Variants in ADAM10 observed in about 807,000 individuals in gnomAD.
ADAM10 encodes the protein disintegrin and metalloproteinase domain-containing protein 10.
ADAM10 carries 17 observed loss-of-function variants against 90.1 expected under a neutral mutation model. The ratio of observed to expected loss-of-function variants is 0.19; its 90% confidence interval spans 0.13 to 0.28. The LOEUF is 0.28. ADAM10 is among the 10% of genes least tolerant of loss of function. ADAM10 has a pLI of 1.00. For synonymous variants in ADAM10, 310 were observed against 298.6 expected (o/e 1.04, Z -0.40); for missense variants, 610 against 914.3 (o/e 0.67, Z 4.29).
At chr15:58,739,436 G>A (rs1899532576) in intron 1 of ADAM10, among the ~76,000 whole-genome samples, 1 of 151,928 alleles carries the variant, frequency 6.6e-6, no homozygotes, top group East Asian at 1.9e-4. Flanking sequence ...AGAACGGCAT[G>A]AACCTGGGAG....
intron 1 of ADAM10, among the ~76,000 whole-genome samples, chr15:58,736,895 A>G (rs1899448731): frequency 6.6e-6 from 1 of 152,064 alleles, no homozygotes; most frequent in Admixed American, 6.6e-5. Flanking sequence ...TAGGAGGATC[A>G]CTTTAGCTCG....
intron 11 of ADAM10, among the ~76,000 whole-genome samples, chr15:58,617,370 AT>A (rs576783377): frequency 1.4e-3 from 216 of 152,264 alleles, no homozygotes; most frequent in African/African-American, 5.1e-3. Context: ...ACTTACCAAG[AT>A]TGAAATAAGA....
chr15:58,639,696 A>G (rs1225336794), intron 8 of ADAM10, among the ~76,000 whole-genome samples: 1 of 152,214 alleles, frequency 6.6e-6, no homozygotes, highest in Non-Finnish European at 1.5e-5. Context: ...ATTTTAAAAC[A>G]TAGAAGAAAA....
chr15:58,706,267 T>A (rs1898284905), intron 2 of ADAM10, among the ~76,000 whole-genome samples: 1 of 152,054 alleles, frequency 6.6e-6, no homozygotes, highest in Non-Finnish European at 1.5e-5. Flanking sequence ...ACTATCAGAG[T>A]AATCCAGGAG....
intron 14 of ADAM10, chr15:58,609,555 AG>A (rs1895378354): frequency 6.5e-6 from 1 of 153,370 alleles, no homozygotes; most frequent in South Asian, 2.0e-4. Flanking sequence ...CACTAATTTG[AG>A]AAAGGGGAAT....
At position 58,610,268 on chromosome 15, in the gene ADAM10, T is replaced by A. The variant is rs776564343; in HGVS notation, c.2025+29A>T. ...AAAATTAAGATCAAACCACTTTAAG[T>A]TTTCTTTGTAAATAAAAAACATACT... On this transcript the variant is annotated intron_variant, in intron 14 of 15. Transcript: ENST00000260408. The A allele has an allele frequency of 7.5e-6, 12 of 1,601,100 alleles. No homozygotes were observed. The South Asian group carries it at 9.9e-5, about 13-fold the overall frequency.
At chr15:58,700,258 C>CAGATTTCATACAACAGTT (rs1346554146) in intron 2 of ADAM10, among the ~76,000 whole-genome samples, 1 of 152,196 alleles carries the variant, frequency 6.6e-6, no homozygotes, top group East Asian at 1.9e-4. Context: ...AAGACATTTA[C>CAGATTTCATACAACAGTT]AGATTTCATA....
rs972556841 is a variant in ADAM10, at chr15:58,599,320, A to T, written c.2152+278T>A. ...AAGGGAATATGTTAGAATATATTTA[A>T]AAAAAAAAAAACAAGAAAACAAATA... On this transcript the variant is annotated intron_variant, in intron 15 of 15. Coordinates refer to ENST00000260408, the MANE Select transcript of ADAM10 (RefSeq NM_001110.4). 5.0e-3 allele frequency among the ~76,000 whole-genome samples: 732 copies of T among 147,182 alleles called. 5 individuals carry two copies. The highest frequency in any genetic ancestry group is 0.018 in the African/African-American group (702 of 39,090).
At chr15:58,640,700 T>TGA (rs1391283571) in intron 8 of ADAM10, 77 bp downstream of exon 8, 152 of 1,393,134 alleles carry the variant, frequency 1.1e-4, no homozygotes, top group Non-Finnish European at 1.5e-4. Flanking sequence ...CTCCTATACT[T>TGA]TGAAAATTCA....
intron 2 of ADAM10, chr15:58,691,158 A>G (rs775863246): frequency 8.5e-6 from 6 of 704,570 alleles, no homozygotes; most frequent in Non-Finnish European, 1.6e-5. Context: ...CCTACTGGAG[A>G]TTGTCACCCG....
chr15:58,620,660 A>ATTTT (rs570842513), intron 11 of ADAM10, among the ~76,000 whole-genome samples: 4 of 59,414 alleles, frequency 6.7e-5, no homozygotes, highest in Non-Finnish European at 7.0e-5. Context: ...AAGAATATGT[A>ATTTT]TTTTTTTTTT....
intron 1 of ADAM10, among the ~76,000 whole-genome samples, chr15:58,744,700 A>G (rs973879050): frequency 1.3e-5 from 2 of 152,204 alleles, no homozygotes; most frequent in African/African-American, 4.8e-5. Context: ...ACATTTTAGA[A>G]AAACTTCCAT....
At chr15:58,686,475 G>A (rs1386419218) in intron 2 of ADAM10, 1 of 1,395,552 alleles carries the variant, frequency 7.2e-7, no homozygotes, top group Non-Finnish European at 1.0e-6. Context: ...TTGGAGGCTG[G>A]CGTGGAGAGG....
At chr15:58,623,239 A>C (rs17236146) in intron 10 of ADAM10, among the ~76,000 whole-genome samples, 9,241 of 152,284 alleles carry the variant, frequency 0.061, 498 homozygotes, top group East Asian at 0.29. Flanking sequence ...TGGCACAAAC[A>C]TATGCACTCA....
At chr15:58,648,623 T>C (rs1896611141) in intron 5 of ADAM10, among the ~76,000 whole-genome samples, 2 of 152,286 alleles carry the variant, frequency 1.3e-5, no homozygotes, top group South Asian at 4.1e-4. Context: ...TCAAGTTTAT[T>C]ATATCAAGTA....
intron 7 of ADAM10, among the ~76,000 whole-genome samples, chr15:58,642,797 A>C (rs1223524216): frequency 6.6e-6 from 1 of 152,196 alleles, no homozygotes; most frequent in Non-Finnish European, 1.5e-5. Flanking sequence ...TTGCTCATTT[A>C]AGGATTTATA....
intron 11 of ADAM10, among the ~76,000 whole-genome samples, chr15:58,615,034 G>A (rs1895564005): frequency 6.6e-6 from 1 of 152,172 alleles, no homozygotes; most frequent in African/African-American, 2.4e-5. Flanking sequence ...CAGCACTTTG[G>A]GAGGCCGAGG....
intron 14 of ADAM10, among the ~76,000 whole-genome samples, chr15:58,605,568 CAA>C (rs1180715559): frequency 2.0e-5 from 3 of 152,082 alleles, no homozygotes; most frequent in African/African-American, 7.2e-5. Context: ...GCATTTCTCT[CAA>C]AAGAAAAGAT....
At chr15:58,669,805 A>G (rs920024431) in intron 4 of ADAM10, among the ~76,000 whole-genome samples, 6 of 152,336 alleles carry the variant, frequency 3.9e-5, no homozygotes, top group Middle Eastern at 3.4e-3. Context: ...AAAAGTTATT[A>G]ACTTTTAATA....
Sources: gnomAD v4.1 joint callset for allele counts (sites outside exome capture counted in the v4.1 genomes callset) on GRCh38, gnomAD v4.1.1 for gene constraint, MANE v1.5 for transcripts, NCBI Gene and HGNC (gene_info 2026-07-23, HGNC 2026-07-21) for gene names.